The following TBC1D4 variants were observed in gnomAD, a reference collection of about 807,000 sequenced individuals.
The protein encoded by TBC1D4 is TBC1 domain family member 4.
Under a neutral mutation model 142.5 loss-of-function variants are expected in TBC1D4, and 121 were observed. That is an observed-to-expected ratio of 0.85 (90% CI 0.73 to 0.99). TBC1D4 has a LOEUF of 0.99. Among genes scored for constraint, TBC1D4 ranks in the 50% least tolerant of loss-of-function variants. TBC1D4 has a pLI of 0.00. For missense variants in TBC1D4, 1,475 were observed against 1,606.6 expected (o/e 0.92, Z 1.40); for synonymous variants, 630 against 628.2 (o/e 1.00, Z -0.04).
intron 1 of TBC1D4, among the ~76,000 whole-genome samples, chr13:75,438,308 T>C (rs1178383041): frequency 1.3e-5 from 2 of 152,240 alleles, no homozygotes; most frequent in Non-Finnish European, 2.9e-5. Context: ...ACTTGAGCAA[T>C]GCTTATGTTC....
In TBC1D4 at chr13:75,292,232, A is replaced by G. The variant is rs58232698; in HGVS notation, c.3356T>C (p.Val1119Ala). ...FLQGTEVIFK[V>A]ALSLLSSQET... The stretch of plus-strand genomic sequence containing the variant: ...TTGGCTGCTCAGTAGGCTGAGTGCA[A>G]CCTTGAATATAACTTCAGTTCCCTG... The change falls in exon 19 of 21, where the codon GTT becomes GCT. Residue 1119 changes from valine (V) to alanine (A), a missense_variant. Physicochemically the swap from Val to Ala is moderately conservative, Grantham distance 64. Around this residue, in one of 2 missense-constraint regions of TBC1D4, gnomAD observed 248 missense variants for 338.9 expected, o/e 0.73. Transcript: ENST00000377636. 9.6e-4 allele frequency: 1,555 copies of G among 1,613,178 alleles called. 10 individuals carry two copies. In the African/African-American group the frequency reaches 0.018, roughly 19 times the overall value.
intron 1 of TBC1D4, among the ~76,000 whole-genome samples, chr13:75,422,730 T>G (rs1407770864): frequency 6.6e-6 from 1 of 152,158 alleles, no homozygotes; most frequent in Non-Finnish European, 1.5e-5. Flanking sequence ...TTTTTCCTAG[T>G]AAAACTGAGG....
intron 1 of TBC1D4, among the ~76,000 whole-genome samples, chr13:75,410,935 CAAAAAAAAAAA>C (rs60172018): frequency 3.0e-4 from 19 of 63,236 alleles, no homozygotes; most frequent in Admixed American, 1.1e-3. Flanking sequence ...GACTCCGTCT[CAAAAAAAAAAA>C]AAAAAAAAAA....
Position 75,417,966 on chromosome 13 carries a change from T to C in TBC1D4, c.499-55359A>G, listed in dbSNP as rs372873492. Reference sequence around the variant, plus strand: ...TACTACCACCACCATAGGGTTGTTATTAAAATTAAATGGAAGTGAGTATAA... The same window carrying C: ...TACTACCACCACCATAGGGTTGTTACTAAAATTAAATGGAAGTGAGTATAA... On this transcript the variant is annotated intron_variant, in intron 1 of 20. Transcript: ENST00000377636. 9.2e-5 allele frequency among the ~76,000 whole-genome samples: 14 copies of C among 152,322 alleles called. No individual in the cohort carries two copies. The East Asian group carries it at 1.5e-3, about 17-fold the overall frequency.
intron 1 of TBC1D4, among the ~76,000 whole-genome samples, chr13:75,452,767 A>C (rs906740723): frequency 2.0e-5 from 3 of 152,196 alleles, no homozygotes; most frequent in African/African-American, 7.2e-5. Flanking sequence ...GGAGTGAAGT[A>C]ATTATCTAGG....
chr13:75,367,719 A>C (rs1436300139), intron 1 of TBC1D4, among the ~76,000 whole-genome samples: 8 of 149,344 alleles, frequency 5.4e-5, no homozygotes, highest in Admixed American at 2.7e-4. Context: ...CTTGTTTAAG[A>C]AACCATTAAG....
chr13:75,435,522 A>G (rs1886764970), intron 1 of TBC1D4, among the ~76,000 whole-genome samples: 1 of 152,218 alleles, frequency 6.6e-6, no homozygotes, highest in Admixed American at 6.5e-5. Flanking sequence ...TGCTAAGACA[A>G]GCAACAATCT....
intron 1 of TBC1D4, among the ~76,000 whole-genome samples, chr13:75,364,692 T>C (rs752866059): frequency 4.0e-4 from 61 of 152,378 alleles, no homozygotes; most frequent in Middle Eastern, 3.4e-3. Context: ...GGCAAAGCCC[T>C]AGGAGAATGA....
chr13:75,297,711 C>T (rs963175278), intron 17 of TBC1D4, among the ~76,000 whole-genome samples: 11 of 150,906 alleles, frequency 7.3e-5, no homozygotes, highest in Admixed American at 4.0e-4. Context: ...GAGCCAAGAT[C>T]GCGCCACTGC....
At chr13:75,347,052 T>C (rs140407142) in intron 5 of TBC1D4, among the ~76,000 whole-genome samples, 44 of 152,326 alleles carry the variant, frequency 2.9e-4, no homozygotes, top group African/African-American at 7.7e-4. Flanking sequence ...TATCAAGACA[T>C]GGAACTTCTA....
chr13:75,412,708 CT>C (rs1885732053), intron 1 of TBC1D4, among the ~76,000 whole-genome samples: 2 of 152,140 alleles, frequency 1.3e-5, no homozygotes, highest in African/African-American at 4.8e-5. Flanking sequence ...GTCATTAGGT[CT>C]TCCCAGGTTA....
At chr13:75,443,158 G>A (rs1215720950) in intron 1 of TBC1D4, among the ~76,000 whole-genome samples, 1 of 152,140 alleles carries the variant, frequency 6.6e-6, no homozygotes, top group Non-Finnish European at 1.5e-5. Flanking sequence ...TGCCAACAGC[G>A]GCTAGGACAT....
At chr13:75,297,732 G>A (rs1203354262) in intron 17 of TBC1D4, among the ~76,000 whole-genome samples, 1 of 151,198 alleles carries the variant, frequency 6.6e-6, no homozygotes, top group African/African-American at 2.4e-5. Flanking sequence ...ACTCCTGCCT[G>A]GGTGACAGAG....
Position 75,362,851 on chromosome 13 carries a change from C to T in TBC1D4, c.499-244G>A, listed in dbSNP as rs1335536475. On this transcript the variant is annotated intron_variant, in intron 1 of 20. Coordinates refer to ENST00000377636, the MANE Select transcript of TBC1D4 (RefSeq NM_014832.5). The surrounding 1 kb of genome is among the most constrained non-coding windows in gnomAD (Gnocchi z 4.2). Reference sequence around the variant, plus strand: ...ATATTTTCCCACTTTAAATGAGTCTCCCAGAAACAAAACCATGAAACTATA... The same window carrying T: ...ATATTTTCCCACTTTAAATGAGTCTTCCAGAAACAAAACCATGAAACTATA... 6.6e-6 allele frequency among the ~76,000 whole-genome samples: 1 copy of T among 152,100 alleles called. No homozygotes were observed. Among genetic ancestry groups the T allele is most frequent in the Non-Finnish European group, 1.5e-5 (1 of 68,004 alleles).
chr13:75,380,400 G>A (rs934283444), intron 1 of TBC1D4, among the ~76,000 whole-genome samples: 2 of 151,940 alleles, frequency 1.3e-5, no homozygotes, highest in Non-Finnish European at 2.9e-5. Flanking sequence ...TTGAACCCAG[G>A]AGGTGGAGGT....
chr13:75,425,993 G>C (rs1886357461), intron 1 of TBC1D4, among the ~76,000 whole-genome samples: 1 of 152,168 alleles, frequency 6.6e-6, no homozygotes, highest in Non-Finnish European at 1.5e-5. Flanking sequence ...TTAAGAATGT[G>C]AGGTAATGCA....
At chr13:75,347,984 T>TA (rs1313181620) in intron 5 of TBC1D4, among the ~76,000 whole-genome samples, 1 of 151,914 alleles carries the variant, frequency 6.6e-6, no homozygotes, top group East Asian at 1.9e-4. Context: ...AAAAATTTTT[T>TA]AAAAAAATTA....
chr13:75,443,979 A>T (rs1470090389), intron 1 of TBC1D4, among the ~76,000 whole-genome samples: 1 of 64 alleles, frequency 0.016, no homozygotes. Flanking sequence ...ATCCATCTGA[A>T]AAAAAAAAAA....
intron 1 of TBC1D4, among the ~76,000 whole-genome samples, chr13:75,475,403 T>G (rs1189276925): frequency 6.6e-6 from 1 of 152,216 alleles, no homozygotes; most frequent in African/African-American, 2.4e-5. Context: ...CAATGTAGTC[T>G]AAAGGAAAGG....
Sources: allele counts gnomAD v4.1 joint callset (sites outside exome capture counted in the v4.1 genomes callset), GRCh38; gene constraint gnomAD v4.1.1; regional missense constraint gnomAD v4.1.1; non-coding constraint Gnocchi (gnomAD v3.1); transcripts MANE v1.5; gene names NCBI Gene and HGNC (gene_info 2026-07-23, HGNC 2026-07-21).